Variants in NLRP7 observed in about 807,000 individuals in gnomAD.
NLRP7 encodes NACHT, LRR and PYD domains-containing protein 7.
NLRP7 carries 72 observed loss-of-function variants against 85.5 expected under a neutral mutation model. That is an observed-to-expected ratio of 0.84 (90% confidence interval 0.70 to 1.02). The LOEUF (loss-of-function observed/expected upper bound fraction) is 1.02. Ranked by LOEUF, NLRP7 falls within the 50% of genes least tolerant of loss-of-function variation. NLRP7 has a pLI of 0.00. For synonymous variants in NLRP7, 550 were observed against 505.2 expected (o/e 1.09, Z -1.19); for missense variants, 1,243 against 1,219.5 (o/e 1.02, Z -0.29).
chr19:54,929,247 TA>T (rs1673670339), intron 9 of NLRP7, among the ~76,000 whole-genome samples: 1 of 152,136 alleles, frequency 6.6e-6, no homozygotes, highest in African/African-American at 2.4e-5. Context: ...TGCACGCCTG[TA>T]ATCCCAACTA....
chr19:54,951,781 C>A (rs573664267), upstream of NLRP7, among the ~76,000 whole-genome samples: 1 of 150,654 alleles, frequency 6.6e-6, no homozygotes, highest in Non-Finnish European at 1.5e-5. Flanking sequence ...GACGGAGTCT[C>A]GCTCTGTCGC....
intron 1 of NLRP7, among the ~76,000 whole-genome samples, chr19:54,944,004 A>G (rs2069357465): frequency 6.6e-6 from 1 of 152,104 alleles, no homozygotes; most frequent in Non-Finnish European, 1.5e-5. Flanking sequence ...TCAAGCACCC[A>G]GGGACACAAT....
chr19:54,947,395 G>T, intron 1 of NLRP7, 74 bp downstream of exon 1: 2 of 1,125,540 alleles, frequency 1.8e-6, no homozygotes, highest in Non-Finnish European at 2.4e-6. Context: ...AAGGGCTATG[G>T]TGGAAACTCA....
In NLRP7 at chr19:54,961,498, C is replaced by CTAAA. The variant is rs544604816; in HGVS notation, c.-77+4538_-77+4541dup. On this transcript the variant is annotated intron_variant, in intron 1 of 2. Transcript: ENST00000587103. Reference sequence around the variant, plus strand: ...GGGCAACAACAGAGAGACTTCATCTCTAAATAAATAAATAAATAAATAAAA... The same window carrying CTAAA: ...GGGCAACAACAGAGAGACTTCATCTCTAAATAAATAAATAAATAAATAAATAAAA... Among the ~76,000 whole-genome samples the CTAAA allele has an allele frequency of 5.5e-4, 81 of 146,342 alleles. 2 individuals are homozygous for CTAAA. The highest frequency in any genetic ancestry group is 1.2e-3 in the African/African-American group (48 of 39,404).
chr19:54,936,951 G>A (rs1041521154), intron 5 of NLRP7, among the ~76,000 whole-genome samples: 6 of 151,596 alleles, frequency 4.0e-5, no homozygotes, highest in Middle Eastern at 3.5e-3. Context: ...GGTGGCTCAC[G>A]CCTGTAATCC....
upstream of NLRP7, chr19:54,947,548 G>C (rs753532804): frequency 2.8e-5 from 36 of 1,289,342 alleles, no homozygotes; most frequent in Non-Finnish European, 3.5e-5. Context: ...CTGGCCCTTG[G>C]TACGCTAGGT....
exon 3 of NLRP7, chr19:54,940,951 T>A (rs1331408000): frequency 6.2e-7 from 1 of 1,612,278 alleles, no homozygotes; most frequent in Non-Finnish European, 8.5e-7. Flanking sequence ...TAACTCCGAG[T>A]CTTCTTCTGC....
chr19:54,931,672 C>G (rs1440980085), intron 8 of NLRP7, among the ~76,000 whole-genome samples: 1 of 67,800 alleles, frequency 1.5e-5, no homozygotes, highest in East Asian at 5.1e-4. Flanking sequence ...TGGGCAAGAG[C>G]GAAACTCCAT....
Position 54,934,006 on chromosome 19 carries a change from G to C in NLRP7, c.2472-267C>G, listed in dbSNP as rs533897818. Among the ~76,000 whole-genome samples the C allele has an allele frequency of 6.6e-6, 1 of 152,176 alleles. No homozygotes were observed. Among genetic ancestry groups the C allele is most frequent in the East Asian group, 1.9e-4 (1 of 5,184 alleles). On this transcript the variant is annotated intron_variant, in intron 7 of 9. Transcript: ENST00000340844. This position sits in a 1 kb window ranked among gnomAD's most constrained non-coding sequence, Gnocchi z 6.7. ...CGCCCAGGCTGGAGTGCAGTGGCGCGATCTCGGTTCACTGCCAATCGCCGC... is the reference window on the plus strand; with the variant it reads ...CGCCCAGGCTGGAGTGCAGTGGCGCCATCTCGGTTCACTGCCAATCGCCGC...
At position 54,940,469 on chromosome 19, in the gene NLRP7, G is replaced by A. The variant is rs1241419336; in HGVS notation, c.353-3C>T. On this transcript the variant is annotated splice_region_variant and splice_polypyrimidine_tract_variant and intron_variant, in intron 3 of 9. Coordinates refer to ENST00000340844, the Ensembl canonical transcript of NLRP7. ...ATTTCTCCATCCTTCCTTTTCACCT[G>A]CAGTGACAGCCCATAGGACAGTTGA... 4 of 1,613,382 alleles carry A rather than the reference G, an allele frequency of 2.5e-6. No homozygotes were observed. The highest frequency in any genetic ancestry group is 2.7e-5 in the African/African-American group (2 of 75,024).
At chr19:54,955,897 G>C (rs746661557) in intron 1 of NLRP7, among the ~76,000 whole-genome samples, 5 of 151,992 alleles carry the variant, frequency 3.3e-5, no homozygotes, top group Non-Finnish European at 7.4e-5. Flanking sequence ...TTTTTGTATT[G>C]CAAAAATGCA....
chr19:54,956,259 T>C (rs995892919), intron 1 of NLRP7, among the ~76,000 whole-genome samples: 1 of 152,090 alleles, frequency 6.6e-6, no homozygotes, highest in Non-Finnish European at 1.5e-5. Flanking sequence ...ACCTTTGGGA[T>C]CTGATGCTGT....
intron 1 of NLRP7, among the ~76,000 whole-genome samples, chr19:54,959,341 G>T (rs1425835121): frequency 2.0e-5 from 3 of 148,876 alleles, no homozygotes; most frequent in African/African-American, 7.4e-5. Context: ...GTTTCACCAT[G>T]TTGGCCAGGC....
intron 1 of NLRP7, among the ~76,000 whole-genome samples, chr19:54,945,363 C>T (rs1373553829): frequency 6.6e-6 from 1 of 151,180 alleles, no homozygotes. Flanking sequence ...CTCCTCTTCC[C>T]GGGTTCAAGC....
At chr19:54,959,947 G>C (rs2069984195) in intron 1 of NLRP7, among the ~76,000 whole-genome samples, 1 of 151,868 alleles carries the variant, frequency 6.6e-6, no homozygotes, top group Admixed American at 6.6e-5. Flanking sequence ...AGAGACCCAA[G>C]GCCTGGTGTA....
intron 1 of NLRP7, among the ~76,000 whole-genome samples, chr19:54,961,100 A>C (rs959048620): frequency 1.3e-5 from 2 of 151,834 alleles, no homozygotes; most frequent in African/African-American, 4.8e-5. Flanking sequence ...TGGGCCAGGC[A>C]TAGTGGCTCA....
At chr19:54,958,744 C>CGAGTTGTA (rs2069937726) in intron 1 of NLRP7, among the ~76,000 whole-genome samples, 2 of 151,394 alleles carry the variant, frequency 1.3e-5, no homozygotes, top group Non-Finnish European at 2.9e-5. Context: ...TCTCAGACAC[C>CGAGTTGTA]GAGTTGTAGA....
rs1243099158 is a variant in NLRP7 at position 54,934,480 on chromosome 19, G to A, written c.2471+9C>T. On this transcript the variant is annotated intron_variant, in intron 7 of 9. Coordinates refer to ENST00000340844, the Ensembl canonical transcript of NLRP7. The surrounding 1 kb of genome is among the most constrained non-coding windows in gnomAD (Gnocchi z 6.7). Reference sequence around the variant, plus strand: ...AAACCAGAGCTGCCCATGGGAAGAGGAGACTTACGACAACATCTGCAGGAA... The same window carrying A: ...AAACCAGAGCTGCCCATGGGAAGAGAAGACTTACGACAACATCTGCAGGAA... 8.1e-6 allele frequency: 13 copies of A among 1,613,912 alleles called. No homozygotes were observed. Among genetic ancestry groups the A allele is most frequent in the Non-Finnish European group, 1.1e-5 (13 of 1,179,896 alleles).
At chr19:54,932,803 G>A (rs567539309) in intron 8 of NLRP7, among the ~76,000 whole-genome samples, 81 of 152,020 alleles carry the variant, frequency 5.3e-4, no homozygotes, top group African/African-American at 1.8e-3. Context: ...CTATAGGCAC[G>A]CACCACCAAG....
Sources: allele counts gnomAD v4.1 joint callset (sites outside exome capture counted in the v4.1 genomes callset), GRCh38; gene constraint gnomAD v4.1.1; non-coding constraint Gnocchi (gnomAD v3.1); transcripts MANE v1.5; gene names NCBI Gene and HGNC (gene_info 2026-07-23, HGNC 2026-07-21).